Variants in HYCC1 observed in about 807,000 individuals in gnomAD.
The protein encoded by HYCC1 is hyccin PI4KA lipid kinase complex subunit 1.
At chr7:22,983,824 A>G in the HYCC1 span, 2 of 685,514 alleles carry the variant, frequency 2.9e-6, no homozygotes, top group Non-Finnish European at 5.2e-6. Context: ...ACTAGAGTTC[A>G]TTTCAGTATT....
the HYCC1 span, among the ~76,000 whole-genome samples, chr7:22,993,346 T>C: frequency 6.6e-6 from 1 of 152,194 alleles, no homozygotes; most frequent in South Asian, 2.1e-4. Context: ...CAAAGGTTTC[T>C]TAAACAAGAG....
chr7:22,978,751 G>C, the HYCC1 span, among the ~76,000 whole-genome samples: 168 of 152,188 alleles, frequency 1.1e-3, 1 homozygote, highest in Non-Finnish European at 1.5e-3. Context: ...TGGTACATAG[G>C]GGGGCTAAAT....
the HYCC1 span, among the ~76,000 whole-genome samples, chr7:23,007,899 T>G: frequency 6.6e-6 from 1 of 152,024 alleles, no homozygotes; most frequent in Non-Finnish European, 1.5e-5. Flanking sequence ...TCTATCTTGG[T>G]TCCCCCTGAA....
chr7:22,956,328 A>G, the HYCC1 span, among the ~76,000 whole-genome samples: 13 of 151,924 alleles, frequency 8.6e-5, no homozygotes, highest in Non-Finnish European at 1.5e-4. Context: ...TTAAAAGTCG[A>G]AAGCAGCAAT....
the HYCC1 span, among the ~76,000 whole-genome samples, chr7:22,915,598 C>T: frequency 4.6e-5 from 7 of 152,200 alleles, no homozygotes; most frequent in Non-Finnish European, 1.0e-4. Flanking sequence ...CTGACACTGC[C>T]TGATTGCCTC....
the HYCC1 span, among the ~76,000 whole-genome samples, chr7:22,920,256 A>C: frequency 6.6e-6 from 1 of 152,104 alleles, no homozygotes. Context: ...CTGAGGTGGA[A>C]GGATCTCTTC....
At chr7:22,953,146 T>C in the HYCC1 span, among the ~76,000 whole-genome samples, 2 of 151,904 alleles carry the variant, frequency 1.3e-5, no homozygotes, top group Non-Finnish European at 2.9e-5. Flanking sequence ...TTAAATAAAA[T>C]CCAATAGAGA....
the HYCC1 span, chr7:23,013,875 C>A: frequency 1.8e-5 from 8 of 455,776 alleles, no homozygotes; most frequent in East Asian, 5.6e-4. Flanking sequence ...AAAAGTTATC[C>A]GTTGCCGGAC....
the HYCC1 span, chr7:22,977,232 T>C: frequency 4.1e-6 from 3 of 739,154 alleles, no homozygotes; most frequent in South Asian, 3.0e-5. Context: ...TTTATACTTT[T>C]GCAGGTACTA....
the HYCC1 span, among the ~76,000 whole-genome samples, chr7:22,987,358 G>A: frequency 1.3e-5 from 2 of 152,156 alleles, no homozygotes; most frequent in African/African-American, 4.8e-5. Context: ...GACCAGCCTC[G>A]CTAACACGGC....
chr7:23,002,973 A>T, the HYCC1 span, among the ~76,000 whole-genome samples: 1 of 152,248 alleles, frequency 6.6e-6, no homozygotes, highest in East Asian at 1.9e-4. Flanking sequence ...CCTTCTATAC[A>T]GCCTATCCAA....
chr7:22,922,043 A>C, the HYCC1 span, among the ~76,000 whole-genome samples: 4 of 152,168 alleles, frequency 2.6e-5, no homozygotes, highest in Non-Finnish European at 5.9e-5. Context: ...TTTAATGCAA[A>C]AGAAATTAGT....
At chr7:22,964,573 T>C in the HYCC1 span, 1 of 1,110,706 alleles carries the variant, frequency 9.0e-7, no homozygotes, top group Non-Finnish European at 1.4e-6. Flanking sequence ...ATTGGTAAAA[T>C]TTTAGGTGAT....
chr7:22,916,359 C>A, the HYCC1 span, among the ~76,000 whole-genome samples: 1 of 152,058 alleles, frequency 6.6e-6, no homozygotes, highest in East Asian at 1.9e-4. Flanking sequence ...ATAAACCTAG[C>A]TGACCCCATA....
At chr7:22,900,957 G>A in the HYCC1 span, among the ~76,000 whole-genome samples, 1 of 152,022 alleles carries the variant, frequency 6.6e-6, no homozygotes, top group Admixed American at 6.6e-5. Context: ...TGGCATGGTG[G>A]TTCATGCCTG....
chr7:22,925,598 T>C, the HYCC1 span, among the ~76,000 whole-genome samples: 1 of 151,530 alleles, frequency 6.6e-6, no homozygotes, highest in Non-Finnish European at 1.5e-5. Context: ...GAAGACAAAA[T>C]GAATGAAATG....
At chr7:22,956,089 A>G in the HYCC1 span, among the ~76,000 whole-genome samples, 1 of 151,634 alleles carries the variant, frequency 6.6e-6, no homozygotes, top group East Asian at 1.9e-4. Context: ...TCTTCTCTAA[A>G]CTTATTGAAT....
the HYCC1 span, among the ~76,000 whole-genome samples, chr7:22,958,023 C>A: frequency 0.14 from 21,655 of 150,936 alleles, 1,571 homozygotes; most frequent in South Asian, 0.18. Context: ...TATATATAAA[C>A]AAAATTAAAT....
the HYCC1 span, among the ~76,000 whole-genome samples, chr7:23,001,686 T>C: frequency 6.6e-6 from 1 of 152,032 alleles, no homozygotes; most frequent in Admixed American, 6.6e-5. Flanking sequence ...GGTTGCAGTA[T>C]TTTTCTCAGT....
Sources: allele counts gnomAD v4.1 joint callset (sites outside exome capture counted in the v4.1 genomes callset), GRCh38; gene constraint gnomAD v4.1.1; transcripts MANE v1.5; gene names NCBI Gene and HGNC (gene_info 2026-07-23, HGNC 2026-07-21).